PON2: variants seen among roughly 807,000 people sequenced by gnomAD.
PON2 encodes serum paraoxonase/arylesterase 2.
In PON2, 27 loss-of-function variants were observed where a neutral mutation model predicts 36.6. That is an observed-to-expected ratio of 0.74 (90% CI 0.54 to 1.02). PON2 has a LOEUF of 1.02. Among genes scored for constraint, PON2 ranks in the 50% least tolerant of loss-of-function variants. The pLI is 0.00. For missense variants in PON2, 363 were observed against 421.1 expected (o/e 0.86, Z 1.21); for synonymous variants, 149 against 156.3 (o/e 0.95, Z 0.35).
At chr7:95,432,780 C>T (rs951283119) in intron 1 of PON2, among the ~76,000 whole-genome samples, 3 of 152,160 alleles carry the variant, frequency 2.0e-5, no homozygotes, top group African/African-American at 4.8e-5. Context: ...TACCCATAAG[C>T]GTTCTTTCCT....
At chr7:95,424,832 T>A (rs1789278736) in intron 1 of PON2, among the ~76,000 whole-genome samples, 1 of 151,096 alleles carries the variant, frequency 6.6e-6, no homozygotes, top group Admixed American at 6.6e-5. Context: ...AAAAAGCCAA[T>A]AACTCAACAA....
chr7:95,429,159 A>G (rs907066725), intron 1 of PON2, among the ~76,000 whole-genome samples: 2 of 151,324 alleles, frequency 1.3e-5, no homozygotes, highest in Admixed American at 6.6e-5. Flanking sequence ...CATTAGGTAT[A>G]TCTCCTAATG....
chr7:95,433,574 CTT>C, intron 1 of PON2, among the ~76,000 whole-genome samples: 1 of 151,740 alleles, frequency 6.6e-6, no homozygotes, highest in African/African-American at 2.4e-5. Flanking sequence ...CAATATTTCC[CTT>C]TTGAAGCACT....
Position 95,416,227 on chromosome 7 carries a change from G to A in PON2, c.201+15C>T. On this transcript the variant is annotated intron_variant, in intron 3 of 8. Coordinates refer to ENST00000222572, the MANE Select transcript of PON2 (RefSeq NM_000305.3). ...ATCTCCTCTGCTGAATTTGGGGAAG[G>A]AAGAAGACACTCACCACACTAAAAA... The A allele has an allele frequency of 2.5e-6, 4 of 1,610,878 alleles. No homozygotes were observed.
rs934938461 is a variant in PON2, at chr7:95,405,111, T to G, written c.*219A>C. 4 of 519,604 alleles carry G rather than the reference T, an allele frequency of 7.7e-6. No homozygotes were observed. 32.2% of individuals were successfully genotyped at this position (519,604 alleles called of 1,614,324 possible). ...GTATTCACTTTATTCGAAAGCAGCT[T>G]TCTTTTCTGTCCCTTGCTTGGCATT... On this transcript the variant is annotated 3_prime_UTR_variant, in exon 9 of 9. Transcript: ENST00000222572.
rs534692534 is a variant in PON2, at chr7:95,416,328, G to T, written c.146-31C>A. 20 of 1,609,944 alleles carry T rather than the reference G, an allele frequency of 1.2e-5. No homozygotes were observed. The South Asian group carries it at 2.1e-4, about 17-fold the overall frequency. On this transcript the variant is annotated intron_variant, in intron 2 of 8. Coordinates refer to ENST00000222572, the MANE Select transcript of PON2 (RefSeq NM_000305.3). Reference sequence around the variant, plus strand: ...AGTTTAAGGAACAGATAAATGTCATGTTCAAGTTCTGTTATTTGTTACACA... The same window carrying T: ...AGTTTAAGGAACAGATAAATGTCATTTTCAAGTTCTGTTATTTGTTACACA...
chr7:95,432,716 A>G (rs1789471424), intron 1 of PON2, among the ~76,000 whole-genome samples: 1 of 152,244 alleles, frequency 6.6e-6, no homozygotes. Context: ...AATGTTCTGT[A>G]GAGCACAATG....
intron 2 of PON2, among the ~76,000 whole-genome samples, chr7:95,420,971 C>T (rs548499371): frequency 6.6e-6 from 1 of 151,786 alleles, no homozygotes; most frequent in Non-Finnish European, 1.5e-5. Context: ...GTGCTAACCA[C>T]AGGGCAAAAG....
chr7:95,412,795 T>C (rs1239975203), intron 3 of PON2: 7 of 390,402 alleles, frequency 1.8e-5, no homozygotes, highest in African/African-American at 1.4e-4. Flanking sequence ...TGGAAATTTG[T>C]TCACTGCTAG....
chr7:95,417,716 C>CACACACACACACACACACACACAG (rs772303220), intron 2 of PON2, among the ~76,000 whole-genome samples: 46 of 148,830 alleles, frequency 3.1e-4, no homozygotes, highest in Middle Eastern at 6.8e-3. Flanking sequence ...CACACACACA[C>CACACACACACACACACACACACAG]ACACACACAC....
At position 95,417,323 on chromosome 7, in the gene PON2, A is replaced by G. The variant is rs1317572926; in HGVS notation, c.146-1026T>C. 3.9e-5 allele frequency among the ~76,000 whole-genome samples: 6 copies of G among 152,314 alleles called. No individual in the cohort carries two copies. In the East Asian group the frequency reaches 1.2e-3, roughly 29 times the overall value. On this transcript the variant is annotated intron_variant, in intron 2 of 8. Transcript: ENST00000222572. ...ACAAAATAAAAATGCCAAGAACTTC[A>G]CATTGTAAAGATGACCCATCTGCCT...
intron 2 of PON2, among the ~76,000 whole-genome samples, chr7:95,420,533 C>T (rs1223068674): frequency 1.3e-5 from 2 of 152,130 alleles, no homozygotes; most frequent in Non-Finnish European, 2.9e-5. Context: ...GGCACACATC[C>T]TGTATGATAT....
intron 3 of PON2, 126 bp from the exon 4 acceptor site, chr7:95,412,603 CAAA>C: frequency 1.1e-6 from 1 of 907,550 alleles, no homozygotes; most frequent in Non-Finnish European, 1.7e-6. Context: ...CACAAAAACT[CAAA>C]AAACAGAGAA....
chr7:95,426,263 CAGAG>C (rs1554340815), intron 1 of PON2, among the ~76,000 whole-genome samples: 2 of 151,428 alleles, frequency 1.3e-5, no homozygotes, highest in South Asian at 2.1e-4. Flanking sequence ...AATTATAAAA[CAGAG>C]AGAGAAAAAA....
At chr7:95,421,204 C>T (rs1789184482) in intron 2 of PON2, among the ~76,000 whole-genome samples, 1 of 152,168 alleles carries the variant, frequency 6.6e-6, no homozygotes, top group Admixed American at 6.5e-5. Context: ...AGACAGATGC[C>T]TGTTCAGAAT....
rs867471043 is a variant in PON2 at position 95,417,641 on chromosome 7, C to T, written c.146-1344G>A. On this transcript the variant is annotated intron_variant, in intron 2 of 8. Coordinates refer to ENST00000222572, the MANE Select transcript of PON2 (RefSeq NM_000305.3). Reference sequence around the variant, plus strand: ...GGTAATAAGTTAAGAATCAGGGGAACGCTACACCACATACACATGTATACA... The same window carrying T: ...GGTAATAAGTTAAGAATCAGGGGAATGCTACACCACATACACATGTATACA... Among the ~76,000 whole-genome samples the T allele has an allele frequency of 8.8e-5, 13 of 147,924 alleles. No individual in the cohort carries two copies. The South Asian group carries it at 2.3e-3, about 26-fold the overall frequency.
intron 2 of PON2, among the ~76,000 whole-genome samples, chr7:95,419,630 C>T (rs1369712976): frequency 6.6e-6 from 1 of 152,194 alleles, no homozygotes; most frequent in East Asian, 1.9e-4. Flanking sequence ...TTCTGGCTGA[C>T]AGATGTGGCC....
intron 6 of PON2, among the ~76,000 whole-genome samples, chr7:95,407,521 TTAAGAG>T (rs1445207101): frequency 1.3e-5 from 2 of 152,188 alleles, no homozygotes; most frequent in African/African-American, 4.8e-5. Flanking sequence ...ATAGCGAATT[TTAAGAG>T]TAAGAGATAA....
chr7:95,424,620 C>CAAA, intron 1 of PON2, 35 bp from the exon 2 acceptor site: 1 of 1,549,350 alleles, frequency 6.5e-7, no homozygotes, highest in Non-Finnish European at 8.9e-7. Flanking sequence ...AAACAAAAAA[C>CAAA]TATTTGTTTA....
Sources: allele counts gnomAD v4.1 joint callset (sites outside exome capture counted in the v4.1 genomes callset), GRCh38; gene constraint gnomAD v4.1.1; transcripts MANE v1.5; gene names NCBI Gene and HGNC (gene_info 2026-07-23, HGNC 2026-07-21).